CSMD2: variants seen among roughly 807,000 people sequenced by gnomAD.
CSMD2 encodes the protein CUB and Sushi multiple domains 2.
CSMD2 carries 130 observed loss-of-function variants against 398.5 expected under a neutral mutation model. The ratio of observed to expected loss-of-function variants is 0.33; its 90% confidence interval spans 0.28 to 0.38. The LOEUF is 0.38. Ranked by LOEUF, CSMD2 falls within the 10% of genes least tolerant of loss-of-function variation. The pLI is 1.00. For synonymous variants in CSMD2, 1,828 were observed against 1,908.5 expected, an observed-to-expected ratio of 0.96 and a Z score of 1.10; for missense variants, 3,829 against 4,764.9, an observed-to-expected ratio of 0.80 and a Z score of 5.78.
In CSMD2 at chr1:33,545,200, T is replaced by C. The variant is rs74478495; in HGVS notation, c.9100+837A>G. On this transcript the variant is annotated intron_variant, in intron 57 of 70. Coordinates refer to ENST00000373381, the MANE Select transcript of CSMD2 (RefSeq NM_001281956.2). ...TAAGCCTGCTTCCTGCCTAGGAGAG[T>C]ACTATGCAAGCTGTATTTTAGAAAG... 8.3e-4 allele frequency among the ~76,000 whole-genome samples: 127 copies of C among 152,142 alleles called. 1 individual carries two copies. The East Asian group carries it at 0.022, about 27-fold the overall frequency.
At chr1:33,888,756 T>TTTTTTTTGTTGTTG (rs1553244524) in intron 5 of CSMD2, among the ~76,000 whole-genome samples, 110 of 148,936 alleles carry the variant, frequency 7.4e-4, no homozygotes, top group African/African-American at 2.7e-3. Context: ...TCAACTGATT[T>TTTTTTTTGTTGTTG]TTGTTGTTGT....
At chr1:34,097,213 A>G (rs1404584888) in intron 1 of CSMD2, among the ~76,000 whole-genome samples, 1 of 151,056 alleles carries the variant, frequency 6.6e-6, no homozygotes, top group Non-Finnish European at 1.5e-5. Flanking sequence ...AGCCATATGT[A>G]GAAAGCTGAA....
chr1:33,530,869 C>T lies in CSMD2; in HGVS notation c.10171+2181G>A, dbSNP rs556125244. Among the ~76,000 whole-genome samples, 8 of 152,152 alleles carry T rather than the reference C, an allele frequency of 5.3e-5. No homozygotes were observed. The South Asian group carries it at 1.7e-3, about 32-fold the overall frequency. On this transcript the variant is annotated intron_variant, in intron 64 of 70. Coordinates refer to ENST00000373381, the MANE Select transcript of CSMD2 (RefSeq NM_001281956.2). ...GTAAGACAAATACTGCACAATCTCA[C>T]TTATCTGTGGAATCTAAAGTAATTG...
At chr1:33,846,794 C>T in intron 6 of CSMD2, 90 bp downstream of exon 6, 1 of 728,438 alleles carries the variant, frequency 1.4e-6, no homozygotes, top group South Asian at 2.4e-5. Context: ...CCTGAAGCCA[C>T]ACCGGACCCA....
intron 2 of CSMD2, among the ~76,000 whole-genome samples, chr1:34,073,072 A>AG (rs1655916541): frequency 1.3e-5 from 2 of 152,296 alleles, no homozygotes; most frequent in South Asian, 4.1e-4. Flanking sequence ...CCCACAAAAC[A>AG]GGCCACTTCC....
chr1:34,018,952 C>T (rs1558254449), intron 3 of CSMD2, among the ~76,000 whole-genome samples: 1 of 152,146 alleles, frequency 6.6e-6, no homozygotes, highest in East Asian at 1.9e-4. Context: ...ATCCAATAGT[C>T]GCAACTATGT....
At chr1:33,535,676 A>G (rs951862178) in intron 62 of CSMD2, among the ~76,000 whole-genome samples, 10 of 152,002 alleles carry the variant, frequency 6.6e-5, no homozygotes, top group Non-Finnish European at 4.4e-5. Flanking sequence ...ACCTAGCCTC[A>G]CTCTTGACTA....
At chr1:33,753,773 T>C (rs1329910446) in intron 13 of CSMD2, among the ~76,000 whole-genome samples, 1 of 152,246 alleles carries the variant, frequency 6.6e-6, no homozygotes, top group African/African-American at 2.4e-5. Context: ...CATGCACCAA[T>C]GTGCCCAGGA....
chr1:34,163,103 C>T lies in CSMD2; in HGVS notation c.187+1808G>A, dbSNP rs1022535575. On this transcript the variant is annotated intron_variant, in intron 1 of 70. Coordinates refer to ENST00000373381, the MANE Select transcript of CSMD2 (RefSeq NM_001281956.2). The surrounding 1 kb of genome is among the most constrained non-coding windows in gnomAD (Gnocchi z 5.4). ...TCTCTCCCCTAGGGGCAGGATATGCCCAAGGGGCAGGGACAAATCTAGCCA... is the reference window on the plus strand; with the variant it reads ...TCTCTCCCCTAGGGGCAGGATATGCTCAAGGGGCAGGGACAAATCTAGCCA... Among the ~76,000 whole-genome samples the T allele has an allele frequency of 2.0e-5, 3 of 152,216 alleles. No homozygotes were observed. The highest frequency in any genetic ancestry group is 2.9e-5 in the Non-Finnish European group (2 of 68,030).
chr1:33,908,793 C>G (rs978602139), intron 5 of CSMD2, among the ~76,000 whole-genome samples: 2 of 152,238 alleles, frequency 1.3e-5, no homozygotes, highest in Admixed American at 6.5e-5. Flanking sequence ...TGCTAAGGCA[C>G]TAATCTTTTC....
intron 33 of CSMD2, 86 bp from the exon 34 acceptor site, chr1:33,625,340 C>T: frequency 3.1e-6 from 4 of 1,299,176 alleles, no homozygotes; most frequent in Non-Finnish European, 4.3e-6. Flanking sequence ...GGAACAAAGA[C>T]CGTCTGGATG....
In CSMD2 at chr1:33,743,529, G is replaced by C. The variant is rs1647156459; in HGVS notation, c.1924C>G (p.Leu642Val). ...GCCAGGATGAGCCAGACACAGTGGA[G>C]GTGGTTGCCATAGTCCTCTGGGTAG... ...PNYPEDYGNH[L>V]HCVWLILARP... The change falls in exon 14 of 71, where the codon CTC becomes GTC. Residue 642 changes from leucine to valine, a missense_variant. By Grantham distance (32) the Leu-to-Val change is conservative. Around this residue, in one of 5 missense-constraint regions of CSMD2, gnomAD observed 2,001 missense variants for 2,567.1 expected, o/e 0.78. Coordinates refer to ENST00000373381, the MANE Select transcript of CSMD2 (RefSeq NM_001281956.2). 1 of 1,614,060 alleles carries C rather than the reference G, an allele frequency of 6.2e-7. No homozygotes were observed. The highest frequency in any genetic ancestry group is 2.2e-5 in the East Asian group (1 of 44,866).
intron 5 of CSMD2, among the ~76,000 whole-genome samples, chr1:33,902,321 T>C (rs971160425): frequency 2.0e-5 from 3 of 152,160 alleles, no homozygotes; most frequent in African/African-American, 4.8e-5. Context: ...TGACACAACA[T>C]AGAGAGATGT....
intron 15 of CSMD2, among the ~76,000 whole-genome samples, chr1:33,731,054 C>G (rs944943263): frequency 1.3e-5 from 2 of 152,116 alleles, no homozygotes; most frequent in African/African-American, 4.8e-5. Flanking sequence ...TCAAAAGGCT[C>G]CCACTAGCCA....
chr1:33,832,813 G>C (rs1279210911), intron 6 of CSMD2, among the ~76,000 whole-genome samples: 3 of 151,996 alleles, frequency 2.0e-5, no homozygotes, highest in African/African-American at 7.3e-5. Context: ...AAATGATAAA[G>C]GGGATATCAC....
chr1:34,108,283 G>GA (rs35422925), intron 1 of CSMD2, among the ~76,000 whole-genome samples: 7 of 133,088 alleles, frequency 5.3e-5, no homozygotes, highest in African/African-American at 1.1e-4. Context: ...GAGAGAGAGA[G>GA]AAAAAAAAAC....
chr1:34,126,886 C>G (rs1662796110), intron 1 of CSMD2, among the ~76,000 whole-genome samples: 2 of 150,726 alleles, frequency 1.3e-5, no homozygotes, highest in Admixed American at 1.3e-4. Context: ...CAGAGACAGC[C>G]AGGTAGAAAG....
At chr1:34,037,127 T>C (rs1651232688) in intron 2 of CSMD2, among the ~76,000 whole-genome samples, 1 of 152,026 alleles carries the variant, frequency 6.6e-6, no homozygotes, top group African/African-American at 2.4e-5. Context: ...TTAAATTTAA[T>C]AAGTTTTAAA....
chr1:33,772,254 A>G (rs1013551693), intron 13 of CSMD2: 2 of 233,506 alleles, frequency 8.6e-6, no homozygotes, highest in African/African-American at 2.3e-5. Flanking sequence ...GGTGAGCAGG[A>G]AATGTCTGGG....
Sources: allele counts gnomAD v4.1 joint callset (sites outside exome capture counted in the v4.1 genomes callset), GRCh38; gene constraint gnomAD v4.1.1; regional missense constraint gnomAD v4.1.1; non-coding constraint Gnocchi (gnomAD v3.1); transcripts MANE v1.5; gene names NCBI Gene and HGNC (gene_info 2026-07-23, HGNC 2026-07-21).